The following SPNS2 variants were observed in gnomAD, a reference collection of about 807,000 sequenced individuals.
SPNS2 encodes sphingosine-1-phosphate transporter SPNS2.
A neutral mutation model predicts 57.6 loss-of-function variants in SPNS2; 37 were observed. That is an observed-to-expected ratio of 0.64 (90% CI 0.49 to 0.85). SPNS2 has a LOEUF of 0.85. Among genes scored for constraint, SPNS2 ranks in the 40% least tolerant of loss-of-function variants. SPNS2 has a pLI of 0.00. For missense variants in SPNS2, 831 were observed against 779.1 expected (o/e 1.07, Z -0.79); for synonymous variants, 440 against 346.9 (o/e 1.27, Z -2.98).
At position 4,537,436 on chromosome 17, in the gene SPNS2, G is replaced by A. The variant is rs1415534624; in HGVS notation, c.*5-17G>A. 1 of 444,290 alleles carries A rather than the reference G, an allele frequency of 2.3e-6. No individual in the cohort carries two copies. Among genetic ancestry groups the A allele is most frequent in the African/African-American group, 2.0e-5 (1 of 50,080 alleles). 27.5% of individuals were successfully genotyped at this position (444,290 alleles called of 1,614,324 possible). ...CCCCACTAAGCCCCACTGCTGACCT[G>A]ACACCCCTTTCCCCAGGTGCCATTG... On this transcript the variant is annotated splice_polypyrimidine_tract_variant and intron_variant, in intron 12 of 12. Coordinates refer to ENST00000329078, the MANE Select transcript of SPNS2 (RefSeq NM_001124758.3).
intron 9 of SPNS2, among the ~76,000 whole-genome samples, chr17:4,534,224 C>T (rs1905650939): frequency 6.6e-6 from 1 of 152,142 alleles, no homozygotes; most frequent in African/African-American, 2.4e-5. Context: ...CTCAGCCTGG[C>T]TCCCAGGCGT....
chr17:4,536,853 G>A lies in SPNS2; in HGVS notation c.1608-47G>A, dbSNP rs370976080. On this transcript the variant is annotated intron_variant, in intron 11 of 12. Coordinates refer to ENST00000329078, the MANE Select transcript of SPNS2 (RefSeq NM_001124758.3). Reference sequence around the variant, plus strand: ...ATGTGCCAGAGCAGTGCCCGGGCCCGGCCCCCGCTGATGCACCACCCTGAC... The same window carrying A: ...ATGTGCCAGAGCAGTGCCCGGGCCCAGCCCCCGCTGATGCACCACCCTGAC... The A allele has an allele frequency of 9.0e-5, 138 of 1,537,958 alleles. No individual in the cohort carries two copies. The African/African-American group carries it at 9.9e-4, about 11-fold the overall frequency.
Position 4,536,297 on chromosome 17 carries a change from C to T in SPNS2, c.1478C>T (p.Ser493Phe), listed in dbSNP as rs1217470432. 6 of 1,612,656 alleles carry T rather than the reference C, an allele frequency of 3.7e-6. No individual in the cohort carries two copies. The highest frequency in any genetic ancestry group is 1.3e-5 in the African/African-American group (1 of 75,048). The change falls in exon 11 of 13, where the codon TCC becomes TTC. Residue 493 changes from serine (S) to phenylalanine (F), a missense_variant. By Grantham distance (155) the Ser-to-Phe change is radical (BLOSUM62 -2). Transcript: ENST00000329078. ...SDLIRQSTKD[S>F]PLWEFLSLGY... ...CTGATCCGCCAGAGCACTAAGGACTCCCCGCTCTGGGAGTTCCTGAGCCTG... is the reference window on the plus strand; with the variant it reads ...CTGATCCGCCAGAGCACTAAGGACTTCCCGCTCTGGGAGTTCCTGAGCCTG...
In SPNS2 at chr17:4,536,411, C is replaced by G; in HGVS notation, c.1592C>G (p.Ala531Gly). The G allele has an allele frequency of 1.3e-6, 2 of 1,598,802 alleles. No individual in the cohort carries two copies. Among genetic ancestry groups the G allele is most frequent in the Non-Finnish European group, 8.5e-7 (1 of 1,177,480 alleles). Residue 531 changes from alanine to glycine, a missense_variant, in exon 11 of 13, where the codon GCC (alanine) becomes GGC (glycine). Transcript: ENST00000329078. ...ATALFFVSDRARAEQQVNQLA... is the reference protein window; with the variant it reads ...ATALFFVSDRGRAEQQVNQLA... The stretch of plus-strand genomic sequence containing the variant: ...GCGCTCTTCTTCGTCAGCGACCGCG[C>G]CAGGGCTGAGCAGCAGTGAGTGGGG...
At chr17:4,533,535 C>T (rs553360043) in intron 8 of SPNS2, 103 bp downstream of exon 8, 70 of 1,271,056 alleles carry the variant, frequency 5.5e-5, no homozygotes, top group South Asian at 2.9e-4. Flanking sequence ...TCCCTTCCCT[C>T]GGGGAGGCTC....
Position 4,536,915 on chromosome 17 carries a change from G to T in SPNS2, c.1623G>T (p.Ala541=). 1 of 1,613,644 alleles carries T rather than the reference G, an allele frequency of 6.2e-7. No individual in the cohort carries two copies. Among genetic ancestry groups the T allele is most frequent in the Non-Finnish European group, 8.5e-7 (1 of 1,179,864 alleles). ...ARAEQQVNQL[A]MPPASVKV is the part of the protein sequence containing the mutation. Reference sequence around the variant, plus strand: ...TCTCCCCCAGGGTGAACCAGCTGGCGATGCCGCCCGCATCTGTGAAAGTCT... The same window carrying T: ...TCTCCCCCAGGGTGAACCAGCTGGCTATGCCGCCCGCATCTGTGAAAGTCT... Residue 541 remains alanine (A), a synonymous_variant, in exon 12 of 13, where the codon GCG becomes GCT. Coordinates refer to ENST00000329078, the MANE Select transcript of SPNS2 (RefSeq NM_001124758.3).
At chr17:4,504,526 T>A (rs1366516033) in intron 1 of SPNS2, among the ~76,000 whole-genome samples, 1 of 152,244 alleles carries the variant, frequency 6.6e-6, no homozygotes, top group Non-Finnish European at 1.5e-5. Flanking sequence ...AGGCTGCAGG[T>A]CTGCAGGTGA....
intron 2 of SPNS2, among the ~76,000 whole-genome samples, chr17:4,522,836 C>A (rs1241686216): frequency 1.3e-5 from 2 of 152,258 alleles, no homozygotes; most frequent in African/African-American, 2.4e-5. Context: ...CTGGGACCTC[C>A]AAGGCCCCTC....
intron 3 of SPNS2, among the ~76,000 whole-genome samples, chr17:4,526,558 G>A (rs9900067): frequency 0.21 from 32,373 of 150,794 alleles, 3,685 homozygotes; most frequent in African/African-American, 0.25. Context: ...AGCAGAGATC[G>A]CACCACTGCA....
Position 4,535,638 on chromosome 17 carries a change from C to A in SPNS2, c.1345-438C>A, listed in dbSNP as rs369164473. On this transcript the variant is annotated intron_variant, in intron 9 of 12. Transcript: ENST00000329078. ...GCTCTGGGCTAATGGCCTCTAGTGACTGGCGCCTGGGCAACCCCCAAAGTA... is the reference window on the plus strand; with the variant it reads ...GCTCTGGGCTAATGGCCTCTAGTGAATGGCGCCTGGGCAACCCCCAAAGTA... Among the ~76,000 whole-genome samples, 34 of 152,186 alleles carry A rather than the reference C, an allele frequency of 2.2e-4. 1 individual carries two copies. The highest frequency in any genetic ancestry group is 7.9e-4 in the African/African-American group (33 of 41,538).
At chr17:4,507,165 C>T (rs536526295) in intron 1 of SPNS2, among the ~76,000 whole-genome samples, 64 of 152,286 alleles carry the variant, frequency 4.2e-4, no homozygotes, top group African/African-American at 1.2e-3. Context: ...CTGTAATTAC[C>T]GGGGTGGGAG....
At chr17:4,531,768 G>A (rs1597368948) in intron 5 of SPNS2, among the ~76,000 whole-genome samples, 1 of 152,162 alleles carries the variant, frequency 6.6e-6, no homozygotes, top group Admixed American at 6.5e-5. Flanking sequence ...GGGCATGGGG[G>A]AGAGTGTTCT....
Position 4,533,381 on chromosome 17 carries a change from CT to C in SPNS2, c.1229del (p.Phe410SerfsTer4). The C allele has an allele frequency of 6.2e-7, 1 of 1,610,556 alleles. No individual in the cohort carries two copies. Among genetic ancestry groups the C allele is most frequent in the Non-Finnish European group, 8.5e-7 (1 of 1,178,896 alleles). On this transcript the variant is annotated frameshift_variant, in exon 8 of 13. Coordinates refer to ENST00000329078, the MANE Select transcript of SPNS2 (RefSeq NM_001124758.3). LOFTEE classifies it high-confidence loss of function. ...CCGTGGGCATGCTGGGCTCTGCCAT[CT>C]TCATCTGCCTGATCTTCGTGGCTGC... Reference protein sequence around the residue: ...CAVGMLGSAIFICLIFVAAKS... With the variant: ...CAVGMLGSAIXICLIFVAAKS...
At chr17:4,520,349 G>A (rs1216293981) in intron 2 of SPNS2, among the ~76,000 whole-genome samples, 3 of 152,166 alleles carry the variant, frequency 2.0e-5, no homozygotes, top group Admixed American at 6.5e-5. Flanking sequence ...AGAAGGGCCC[G>A]TGCTTCCTGC....
chr17:4,536,003 CCA>C, intron 9 of SPNS2, 71 bp from the exon 10 acceptor site: 1 of 1,339,264 alleles, frequency 7.5e-7, no homozygotes, highest in Non-Finnish European at 1.0e-6. Flanking sequence ...TTCAGAAGTG[CCA>C]CGGCCCGGGG....
At chr17:4,508,471 C>T (rs1043217793) in intron 1 of SPNS2, among the ~76,000 whole-genome samples, 1 of 152,206 alleles carries the variant, frequency 6.6e-6, no homozygotes, top group South Asian at 2.1e-4. Context: ...TGGGGATCTT[C>T]CCAGTCTCTG....
intron 2 of SPNS2, among the ~76,000 whole-genome samples, chr17:4,522,941 GT>G (rs2144343454): frequency 6.6e-6 from 1 of 152,330 alleles, no homozygotes; most frequent in Non-Finnish European, 1.5e-5. Flanking sequence ...ATCCCCTCAT[GT>G]TTTCCTTTCT....
chr17:4,515,171 G>C (rs771621089), intron 2 of SPNS2, among the ~76,000 whole-genome samples: 1 of 152,120 alleles, frequency 6.6e-6, no homozygotes, highest in Admixed American at 6.5e-5. Context: ...CTGGCTTCTC[G>C]GGCTCATGAA....
chr17:4,531,222 C>T (rs1380359033), intron 5 of SPNS2, 103 bp downstream of exon 5: 4 of 1,051,920 alleles, frequency 3.8e-6, no homozygotes, highest in Admixed American at 4.0e-5. Flanking sequence ...CTCCAGGATT[C>T]CTCCCCTGGC....
Sources: allele counts gnomAD v4.1 joint callset (sites outside exome capture counted in the v4.1 genomes callset), GRCh38; gene constraint gnomAD v4.1.1; transcripts MANE v1.5; gene names NCBI Gene and HGNC (gene_info 2026-07-23, HGNC 2026-07-21).